PALD1: variants seen among roughly 807,000 people sequenced by gnomAD.
PALD1 encodes paladin.
A neutral mutation model predicts 96.0 loss-of-function variants in PALD1; 57 were observed. The ratio of observed to expected loss-of-function variants is 0.59; its 90% confidence interval spans 0.48 to 0.74. The LOEUF (loss-of-function observed/expected upper bound fraction) is 0.74. PALD1 is among the 30% of genes least tolerant of loss of function. PALD1 has a pLI of 0.00. For synonymous variants in PALD1, 464 were observed against 473.6 expected (o/e 0.98, Z 0.26); for missense variants, 1,063 against 1,143.7 (o/e 0.93, Z 1.02).
At position 70,494,659 on chromosome 10, in the gene PALD1, A is replaced by G. The variant is rs149717941; in HGVS notation, c.-30+15600A>G. On this transcript the variant is annotated intron_variant, in intron 1 of 19. Coordinates refer to ENST00000263563, the MANE Select transcript of PALD1 (RefSeq NM_014431.3). ...AGCTACCTCTGGGCATTTGCACGGA[A>G]AGGATGGTAAGAGCCTGTTCCCGTG... is the stretch of plus-strand genomic sequence containing the variant. Among the ~76,000 whole-genome samples the G allele has an allele frequency of 3.0e-4, 45 of 152,352 alleles. 1 individual carries two copies. In the East Asian group the frequency reaches 5.8e-3, roughly 20 times the overall value.
chr10:70,539,779 G>A lies in PALD1; in HGVS notation c.1908+17G>A. On this transcript the variant is annotated intron_variant, in intron 15 of 19. Transcript: ENST00000263563. This position sits in a 1 kb window ranked among gnomAD's most constrained non-coding sequence, Gnocchi z 4.5. ...CGAGAGGAGGTGAGGGTGCTGCTCA[G>A]GCTGAGGCCTCTGGGGAGGGACAGG... is the stretch of plus-strand genomic sequence containing the variant. The A allele has an allele frequency of 6.3e-7, 1 of 1,598,930 alleles. No homozygotes were observed.
the PALD1 span, among the ~76,000 whole-genome samples, chr10:70,467,582 G>T: frequency 3.9e-5 from 6 of 152,200 alleles, no homozygotes; most frequent in Non-Finnish European, 7.3e-5. Flanking sequence ...TCACTGGGAG[G>T]ATTCAAGTTA....
the PALD1 span, among the ~76,000 whole-genome samples, chr10:70,473,622 G>C: frequency 6.6e-5 from 10 of 151,482 alleles, no homozygotes; most frequent in South Asian, 1.9e-3. Flanking sequence ...AATATAGAAG[G>C]GGCTCCATAA....
At chr10:70,504,548 A>G (rs1846351584) in intron 1 of PALD1, among the ~76,000 whole-genome samples, 1 of 152,216 alleles carries the variant, frequency 6.6e-6, no homozygotes, top group African/African-American at 2.4e-5. Flanking sequence ...AAAAACACGT[A>G]TTTATAAATT....
At chr10:70,498,868 C>T (rs1489707544) in intron 1 of PALD1, among the ~76,000 whole-genome samples, 2 of 150,708 alleles carry the variant, frequency 1.3e-5, no homozygotes, top group Non-Finnish European at 2.9e-5. Context: ...GCAGAAGTTA[C>T]AGTGAGCCAA....
rs771688354 is a variant in PALD1, at chr10:70,526,056, C to A, written c.105C>A (p.Ile35=). ...TGGACAGTCGGCACTCCGTCAGCAT[C>A]CACTCCTTCCAGAGCACTAGCTTGC... ...GTMDSRHSVS[I]HSFQSTSLHN... The change falls in exon 2 of 20, where the codon ATC becomes ATA. Residue 35 remains isoleucine, a synonymous_variant. Coordinates refer to ENST00000263563, the MANE Select transcript of PALD1 (RefSeq NM_014431.3). The A allele has an allele frequency of 1.5e-5, 25 of 1,614,050 alleles. 1 individual carries two copies. The South Asian group carries it at 2.6e-4, about 17-fold the overall frequency.
At chr10:70,557,441 C>T (rs1465403729) in intron 18 of PALD1, among the ~76,000 whole-genome samples, 1 of 152,218 alleles carries the variant, frequency 6.6e-6, no homozygotes, top group Middle Eastern at 3.2e-3. Context: ...GTCTGTTGAA[C>T]TCACAGCATG....
intron 18 of PALD1, among the ~76,000 whole-genome samples, chr10:70,559,047 A>G (rs1200721685): frequency 2.0e-5 from 3 of 152,144 alleles, no homozygotes; most frequent in Non-Finnish European, 4.4e-5. Flanking sequence ...ACCATGAAGA[A>G]AGGCAGACTT....
chr10:70,530,063 CAT>C lies in PALD1; in HGVS notation c.465_466del (p.His155GlnfsTer20). 6.6e-7 allele frequency: 1 copy of C among 1,520,438 alleles called. No individual in the cohort carries two copies. Among genetic ancestry groups the C allele is most frequent in the Non-Finnish European group, 8.8e-7 (1 of 1,135,714 alleles). The allele number at this position is 1,520,438 out of a possible 1,614,324, so 94.2% of individuals were successfully genotyped here. ...RVLQKLQKDG[H>X]RECVIFCVRE... is the part of the protein sequence containing the mutation. ...CCTCCAGAAACTCCAGAAGGACGGA[CAT>C]AGGGTAAGTATGCCACTTCCCAGGC... On this transcript the variant is annotated frameshift_variant, in exon 4 of 20. Transcript: ENST00000263563. LOFTEE classifies it high-confidence loss of function.
intron 18 of PALD1, among the ~76,000 whole-genome samples, chr10:70,560,550 G>T (rs1046401053): frequency 6.6e-6 from 1 of 152,218 alleles, no homozygotes; most frequent in Non-Finnish European, 1.5e-5. Context: ...CTCAGGTCAG[G>T]ATGTGACGCG....
intron 1 of PALD1, among the ~76,000 whole-genome samples, chr10:70,517,363 A>T (rs1846641594): frequency 7.0e-6 from 1 of 141,988 alleles, no homozygotes; most frequent in South Asian, 2.2e-4. Flanking sequence ...TTTTTTTGAG[A>T]TGGAGTCTTG....
intron 1 of PALD1, among the ~76,000 whole-genome samples, chr10:70,517,405 A>C (rs894358352): frequency 6.7e-6 from 1 of 148,814 alleles, no homozygotes; most frequent in Non-Finnish European, 1.5e-5. Context: ...GCAGTGGTGC[A>C]ATCTCAGCTC....
Position 70,534,537 on chromosome 10 carries a change from C to T in PALD1, c.1122+13C>T. ...GATGGTGGAAGAGGTGAGTGAGGGACAGCAAAGGGCTGGGGCAGGGGTGGT... is the reference window on the plus strand; with the variant it reads ...GATGGTGGAAGAGGTGAGTGAGGGATAGCAAAGGGCTGGGGCAGGGGTGGT... On this transcript the variant is annotated intron_variant, in intron 9 of 19. Transcript: ENST00000263563. 6.3e-7 allele frequency: 1 copy of T among 1,585,780 alleles called. No individual in the cohort carries two copies. Among genetic ancestry groups the T allele is most frequent in the South Asian group, 1.1e-5 (1 of 89,290 alleles).
intron 17 of PALD1, among the ~76,000 whole-genome samples, chr10:70,546,952 AAACAAC>A (rs541902484): frequency 2.6e-5 from 4 of 152,142 alleles, no homozygotes; most frequent in African/African-American, 7.2e-5. Flanking sequence ...CTCTGTCTCC[AAACAAC>A]AACAACAACA....
chr10:70,480,007 C>T (rs900940419), intron 1 of PALD1, among the ~76,000 whole-genome samples: 1 of 152,242 alleles, frequency 6.6e-6, no homozygotes, highest in Non-Finnish European at 1.5e-5. Flanking sequence ...AGGCTACACA[C>T]CATTAATTGC....
At chr10:70,529,367 G>C (rs1846945895) in intron 3 of PALD1, 36 bp downstream of exon 3, 1 of 1,003,436 alleles carries the variant, frequency 1.0e-6, no homozygotes, top group African/African-American at 1.5e-5. Flanking sequence ...CCCGCCTGCT[G>C]CCTCCCACCC....
intron 1 of PALD1, among the ~76,000 whole-genome samples, chr10:70,521,047 C>G (rs1459348046): frequency 1.3e-5 from 2 of 152,172 alleles, no homozygotes; most frequent in Non-Finnish European, 2.9e-5. Context: ...GTGTGCCAGA[C>G]TTTCTCAAAT....
intron 18 of PALD1, among the ~76,000 whole-genome samples, chr10:70,551,503 G>A (rs1029587142): frequency 1.3e-5 from 2 of 152,120 alleles, no homozygotes; most frequent in Non-Finnish European, 2.9e-5. Flanking sequence ...GTCCACATTT[G>A]GCCCATCTGA....
At chr10:70,493,064 G>A (rs897933588) in intron 1 of PALD1, among the ~76,000 whole-genome samples, 2 of 151,788 alleles carry the variant, frequency 1.3e-5, no homozygotes, top group Non-Finnish European at 2.9e-5. Flanking sequence ...AAACAAATGG[G>A]CTCACTGGCT....
Sources: allele counts gnomAD v4.1 joint callset (sites outside exome capture counted in the v4.1 genomes callset), GRCh38; gene constraint gnomAD v4.1.1; non-coding constraint Gnocchi (gnomAD v3.1); transcripts MANE v1.5; gene names NCBI Gene and HGNC (gene_info 2026-07-23, HGNC 2026-07-21).